The following SMG6 variants were observed in gnomAD, a reference collection of about 807,000 sequenced individuals.
SMG6 encodes telomerase-binding protein EST1A.
SMG6 carries 66 observed loss-of-function variants against 142.2 expected under a neutral mutation model. That is an observed-to-expected ratio of 0.46 (90% CI 0.38 to 0.57). The LOEUF is 0.57. Ranked by LOEUF, SMG6 falls within the 20% of genes least tolerant of loss-of-function variation. The probability of loss-of-function intolerance (pLI) is 0.00; values close to 1 mark genes in which losing one functional copy is unlikely to be tolerated. For missense variants in SMG6, 1,793 were observed against 1,832.0 expected (o/e 0.98, Z 0.39); for synonymous variants, 779 against 702.4 (o/e 1.11, Z -1.72).
At chr17:2,128,198 G>C (rs570081959) in intron 13 of SMG6, among the ~76,000 whole-genome samples, 1 of 152,216 alleles carries the variant, frequency 6.6e-6, no homozygotes, top group Non-Finnish European at 1.5e-5. Context: ...CCAGTGGGGC[G>C]GCATACCCAA....
At chr17:2,177,941 C>T (rs924438282) in intron 12 of SMG6, among the ~76,000 whole-genome samples, 13 of 152,306 alleles carry the variant, frequency 8.5e-5, no homozygotes, top group African/African-American at 2.6e-4. Context: ...CAACTGTCCA[C>T]GCAGGGGTCA....
At chr17:2,258,025 A>AT (rs1233906404) in intron 8 of SMG6, among the ~76,000 whole-genome samples, 23,914 of 94,378 alleles carry the variant, frequency 0.25, 3,669 homozygotes, top group East Asian at 0.47. Context: ...AAAAAAAAAA[A>AT]AAAAAAAAAA....
At chr17:2,119,143 C>T (rs187828678) in intron 13 of SMG6, among the ~76,000 whole-genome samples, 5 of 151,374 alleles carry the variant, frequency 3.3e-5, no homozygotes, top group South Asian at 2.1e-4. Context: ...CTGCAACCTC[C>T]GTCTCCCGGG....
At chr17:2,177,758 A>G (rs1215645944) in intron 12 of SMG6, among the ~76,000 whole-genome samples, 1 of 152,198 alleles carries the variant, frequency 6.6e-6, no homozygotes, top group Non-Finnish European at 1.5e-5. Context: ...GAGTGAGGAG[A>G]TCTGGAAATA....
At chr17:2,134,841 CCT>C (rs1225371279) in intron 13 of SMG6, among the ~76,000 whole-genome samples, 3 of 151,762 alleles carry the variant, frequency 2.0e-5, no homozygotes, top group Non-Finnish European at 4.4e-5. Context: ...CAATATCCTC[CCT>C]GTCATCATCC....
chr17:2,167,234 AT>A (rs2071371282), intron 13 of SMG6, among the ~76,000 whole-genome samples: 1 of 151,972 alleles, frequency 6.6e-6, no homozygotes, highest in Non-Finnish European at 1.5e-5. Flanking sequence ...AAATAATGCA[AT>A]AGAAGACTTA....
intron 10 of SMG6, among the ~76,000 whole-genome samples, chr17:2,223,949 A>G (rs890747946): frequency 1.3e-5 from 2 of 152,214 alleles, no homozygotes; most frequent in African/African-American, 4.8e-5. Context: ...AAAGAAAGAA[A>G]GTCTGAGTAA....
intron 13 of SMG6, among the ~76,000 whole-genome samples, chr17:2,124,145 G>A (rs1190797809): frequency 6.6e-6 from 1 of 152,192 alleles, no homozygotes; most frequent in South Asian, 2.1e-4. Context: ...GGGACAGTTG[G>A]GGCACTTCTA....
chr17:2,211,431 A>G (rs1156358710), intron 10 of SMG6, among the ~76,000 whole-genome samples: 2 of 152,096 alleles, frequency 1.3e-5, no homozygotes, highest in African/African-American at 4.8e-5. Flanking sequence ...TTGGGAGGCC[A>G]AGGCAGGCGG....
chr17:2,102,143 G>A (rs1222281040), intron 13 of SMG6, among the ~76,000 whole-genome samples: 3 of 152,124 alleles, frequency 2.0e-5, no homozygotes, highest in African/African-American at 7.2e-5. Context: ...AGCCCTGTCT[G>A]CAAGATGCTA....
chr17:2,133,193 G>A (rs779211557), intron 13 of SMG6, among the ~76,000 whole-genome samples: 17 of 152,224 alleles, frequency 1.1e-4, no homozygotes, highest in Admixed American at 6.5e-5. Flanking sequence ...TGCAGTGAGC[G>A]AGATGGCGTC....
At chr17:2,144,961 G>A (rs1335513917) in intron 13 of SMG6, among the ~76,000 whole-genome samples, 2 of 152,114 alleles carry the variant, frequency 1.3e-5, no homozygotes, top group Non-Finnish European at 2.9e-5. Flanking sequence ...GGGCTTGACA[G>A]AAATCATCAG....
chr17:2,252,358 C>T (rs1217629190), intron 8 of SMG6, among the ~76,000 whole-genome samples: 5 of 151,780 alleles, frequency 3.3e-5, no homozygotes, highest in Non-Finnish European at 5.9e-5. Flanking sequence ...CAAGATGGCG[C>T]CACTGCATTC....
intron 8 of SMG6, among the ~76,000 whole-genome samples, chr17:2,266,675 C>T (rs1417364299): frequency 6.6e-6 from 1 of 152,114 alleles, no homozygotes; most frequent in African/African-American, 2.4e-5. Context: ...AAGAAACCAA[C>T]CTCACATATT....
intron 8 of SMG6, among the ~76,000 whole-genome samples, chr17:2,245,399 T>G: frequency 6.6e-6 from 1 of 152,180 alleles, no homozygotes; most frequent in Non-Finnish European, 1.5e-5. Context: ...TTGTTTTTGT[T>G]TTTTGAGACA....
At chr17:2,115,099 G>T (rs1048570241) in intron 13 of SMG6, among the ~76,000 whole-genome samples, 4 of 151,958 alleles carry the variant, frequency 2.6e-5, no homozygotes, top group African/African-American at 9.7e-5. Context: ...TGGTGTGGGT[G>T]GCCAGATGAG....
chr17:2,226,437 G>T (rs1165240217), intron 10 of SMG6, among the ~76,000 whole-genome samples: 1 of 151,476 alleles, frequency 6.6e-6, no homozygotes. Context: ...AAATTAGCCG[G>T]GTGTGGTGGT....
chr17:2,061,810 G>A, intron 18 of SMG6, 188 bp from the exon 19 acceptor site: 1 of 599,046 alleles, frequency 1.7e-6, no homozygotes, highest in Non-Finnish European at 2.9e-6. Flanking sequence ...GCCTAGAGAG[G>A]GCTGCACTGG....
At chr17:2,240,886 A>G (rs1337926623) in intron 9 of SMG6, among the ~76,000 whole-genome samples, 5 of 152,190 alleles carry the variant, frequency 3.3e-5, no homozygotes, top group African/African-American at 1.2e-4. Context: ...CGTTTTCAAC[A>G]CCGCCCACAT....
Sources: allele counts gnomAD v4.1 joint callset (sites outside exome capture counted in the v4.1 genomes callset), GRCh38; gene constraint gnomAD v4.1.1; transcripts MANE v1.5; gene names NCBI Gene and HGNC (gene_info 2026-07-23, HGNC 2026-07-21).